NRXN3: variants seen among roughly 807,000 people sequenced by gnomAD.
NRXN3 encodes the protein neurexin 3.
In NRXN3, 32 loss-of-function variants were observed where a neutral mutation model predicts 137.6. The ratio of observed to expected loss-of-function variants is 0.23; its 90% confidence interval spans 0.18 to 0.31. The LOEUF is 0.31. NRXN3 is among the 10% of genes least tolerant of loss of function. NRXN3 has a pLI of 1.00. For missense variants in NRXN3, 1,574 were observed against 2,062.5 expected (o/e 0.76, Z 4.59); for synonymous variants, 798 against 784.5 (o/e 1.02, Z -0.29).
At chr14:79,452,684 G>T (rs1188961242) in intron 15 of NRXN3, among the ~76,000 whole-genome samples, 1 of 152,190 alleles carries the variant, frequency 6.6e-6, no homozygotes, top group Non-Finnish European at 1.5e-5. Context: ...TTTCAAAGGA[G>T]GAAGAGGTAT....
intron 8 of NRXN3, among the ~76,000 whole-genome samples, chr14:78,795,572 TAAA>T (rs2098819086): frequency 7.1e-5 from 1 of 14,020 alleles, no homozygotes; most frequent in African/African-American, 8.4e-5. Flanking sequence ...ACACAATGAT[TAAA>T]TAAAATTAAT....
Position 78,517,866 on chromosome 14 carries a change from G to A in NRXN3, c.758-127254G>A, listed in dbSNP as rs904319071. ...ATGATGTTCACTGTCAGTTTAGATT[G>A]TCAGAAAAAGCTTGTTCAAAATCTG... On this transcript the variant is annotated intron_variant, in intron 4 of 20. Coordinates refer to ENST00000335750, the MANE Select transcript of NRXN3 (RefSeq NM_001330195.2). Among the ~76,000 whole-genome samples, 8 of 152,120 alleles carry A rather than the reference G, an allele frequency of 5.3e-5. No homozygotes were observed. In the East Asian group the frequency reaches 1.5e-3, roughly 29 times the overall value.
At chr14:78,533,328 C>T (rs948746610) in intron 4 of NRXN3, among the ~76,000 whole-genome samples, 3 of 151,958 alleles carry the variant, frequency 2.0e-5, no homozygotes, top group Non-Finnish European at 2.9e-5. Flanking sequence ...TCAGGTGATC[C>T]GCCCGCCTCA....
intron 16 of NRXN3, among the ~76,000 whole-genome samples, chr14:79,493,264 C>A (rs1171125851): frequency 1.3e-5 from 2 of 152,188 alleles, no homozygotes; most frequent in African/African-American, 4.8e-5. Context: ...AGAGAGATTT[C>A]TTTTCTTCCC....
chr14:79,604,033 C>T (rs1284682008), intron 16 of NRXN3, among the ~76,000 whole-genome samples: 1 of 151,388 alleles, frequency 6.6e-6, no homozygotes, highest in Non-Finnish European at 1.5e-5. Flanking sequence ...AATTACAGGT[C>T]CCCACCACCA....
At chr14:79,115,463 A>T (rs1368364474) in intron 15 of NRXN3, among the ~76,000 whole-genome samples, 1 of 152,216 alleles carries the variant, frequency 6.6e-6, no homozygotes, top group Non-Finnish European at 1.5e-5. Context: ...TAAAAATGGT[A>T]CAAGATGATT....
intron 4 of NRXN3, among the ~76,000 whole-genome samples, chr14:78,530,733 G>A (rs1019350149): frequency 2.0e-5 from 3 of 152,230 alleles, no homozygotes; most frequent in African/African-American, 7.2e-5. Flanking sequence ...GATTTTTCTA[G>A]TGGAACATAC....
At chr14:78,597,738 C>T (rs2097169620) in intron 4 of NRXN3, among the ~76,000 whole-genome samples, 1 of 152,230 alleles carries the variant, frequency 6.6e-6, no homozygotes. Context: ...TCCTCTTCGT[C>T]ATTTCTCACC....
rs181900537 is a variant in NRXN3, at chr14:78,803,238, T to A, written c.2045-382T>A. 1.6e-3 allele frequency among the ~76,000 whole-genome samples: 247 copies of A among 152,354 alleles called. 5 individuals carry two copies. The highest frequency in any genetic ancestry group is 5.7e-3 in the African/African-American group (237 of 41,584). Reference sequence around the variant, plus strand: ...TATTCTTCATGAAATACAGGGATTCTAAGTTTTGTTTTATGTACTTGTGTT... The same window carrying A: ...TATTCTTCATGAAATACAGGGATTCAAAGTTTTGTTTTATGTACTTGTGTT... On this transcript the variant is annotated intron_variant, in intron 8 of 20. Coordinates refer to ENST00000335750, the MANE Select transcript of NRXN3 (RefSeq NM_001330195.2).
intron 10 of NRXN3, among the ~76,000 whole-genome samples, chr14:78,927,150 C>CTCTTGAAAAA (rs546385554): frequency 1.3e-4 from 15 of 111,670 alleles, no homozygotes; most frequent in East Asian, 2.5e-4. Context: ...GTGAGACCCT[C>CTCTTGAAAAA]AAAAAAAAAA....
chr14:78,444,032 G>A (rs2094338892), intron 4 of NRXN3, among the ~76,000 whole-genome samples: 1 of 152,158 alleles, frequency 6.6e-6, no homozygotes, highest in African/African-American at 2.4e-5. Flanking sequence ...TTGCAAAGGG[G>A]AAGCCAAGGG....
intron 20 of NRXN3, 161 bp downstream of exon 20, chr14:79,805,351 T>C (rs2099200204): frequency 2.9e-6 from 1 of 346,798 alleles, no homozygotes; most frequent in Admixed American, 4.6e-5. Context: ...TATATAAATA[T>C]TATATCAATG....
intron 15 of NRXN3, among the ~76,000 whole-genome samples, chr14:79,379,189 A>G (rs556967157): frequency 3.3e-5 from 5 of 152,014 alleles, no homozygotes; most frequent in South Asian, 2.1e-4. Flanking sequence ...CTGGAGACCA[A>G]TTTCTTTTCT....
At chr14:79,531,744 C>G (rs947772599) in intron 16 of NRXN3, among the ~76,000 whole-genome samples, 1 of 152,128 alleles carries the variant, frequency 6.6e-6, no homozygotes, top group African/African-American at 2.4e-5. Flanking sequence ...CAGTTTAATA[C>G]TATTTGGGAG....
In NRXN3 at chr14:78,380,328, AG is replaced by A. The variant is rs200020178; in HGVS notation, c.757+82469del. On this transcript the variant is annotated intron_variant, in intron 4 of 20. Transcript: ENST00000335750. ...GTCTCAAAAAAAAAAAAAAAAAAAA[AG>A]ATGTGTTTACATCTTAATCCCTGGA... is the stretch of plus-strand genomic sequence containing the variant. 3.3e-5 allele frequency among the ~76,000 whole-genome samples: 5 copies of A among 151,206 alleles called. 1 individual carries two copies. The highest frequency in any genetic ancestry group is 4.4e-5 in the Non-Finnish European group (3 of 67,768).
At chr14:79,720,042 C>G (rs1176098700) in intron 19 of NRXN3, among the ~76,000 whole-genome samples, 1 of 152,048 alleles carries the variant, frequency 6.6e-6, no homozygotes, top group East Asian at 1.9e-4. Flanking sequence ...GTGTATTAGT[C>G]TGTTCTCACA....
At chr14:78,521,980 T>A (rs780158352) in intron 4 of NRXN3, among the ~76,000 whole-genome samples, 3 of 152,184 alleles carry the variant, frequency 2.0e-5, no homozygotes, top group Non-Finnish European at 2.9e-5. Context: ...AGGTAAGAGA[T>A]GAAGATGAAT....
At chr14:78,365,360 T>C (rs1232082899) in intron 4 of NRXN3, among the ~76,000 whole-genome samples, 2 of 152,170 alleles carry the variant, frequency 1.3e-5, no homozygotes, top group East Asian at 1.9e-4. Context: ...CTTGACCCAG[T>C]ACAGGTCAGC....
intron 4 of NRXN3, among the ~76,000 whole-genome samples, chr14:78,523,380 G>T (rs1019502840): frequency 1.3e-5 from 2 of 152,134 alleles, no homozygotes; most frequent in Non-Finnish European, 2.9e-5. Flanking sequence ...TTCATAACTC[G>T]CAATAATTTG....
Sources: allele counts gnomAD v4.1 joint callset (sites outside exome capture counted in the v4.1 genomes callset), GRCh38; gene constraint gnomAD v4.1.1; transcripts MANE v1.5; gene names NCBI Gene and HGNC (gene_info 2026-07-23, HGNC 2026-07-21).